Variants in SLIT2 observed in about 807,000 individuals in gnomAD.
SLIT2 encodes slit homolog 2 protein.
In SLIT2, 41 loss-of-function variants were observed where a neutral mutation model predicts 185.7. That is an observed-to-expected ratio of 0.22 (90% confidence interval 0.17 to 0.29). SLIT2 has a LOEUF of 0.29. Ranked by LOEUF, SLIT2 falls within the 10% of genes least tolerant of loss-of-function variation. The pLI is 1.00. For missense variants in SLIT2, 1,571 were observed against 1,909.0 expected (o/e 0.82, Z 3.30); for synonymous variants, 693 against 680.2 (o/e 1.02, Z -0.29).
At chr4:20,598,457 C>T in intron 33 of SLIT2, 62 bp downstream of exon 33, 1 of 1,578,988 alleles carries the variant, frequency 6.3e-7, no homozygotes, top group Non-Finnish European at 8.7e-7. Context: ...ACTGCTTCTC[C>T]TCTATCATTT....
chr4:20,255,685 G>A (rs912328527), intron 1 of SLIT2, among the ~76,000 whole-genome samples: 4 of 152,108 alleles, frequency 2.6e-5, no homozygotes, highest in South Asian at 2.1e-4. Flanking sequence ...TGGGGGTGAG[G>A]GGGGAGCGTA....
intron 3 of SLIT2, among the ~76,000 whole-genome samples, chr4:20,262,721 T>C (rs1560264466): frequency 6.6e-6 from 1 of 151,896 alleles, no homozygotes; most frequent in Non-Finnish European, 1.5e-5. Flanking sequence ...ATAGCCATTA[T>C]ATGCCAATGA....
rs1714518085 is a variant in SLIT2 at position 20,467,758 on chromosome 4, C to T, written c.402C>T (p.Leu134=). ...LGTAKLYRLD[L]SENQIQAIPR... ...TTGTTGTTGTTGTTTTTAGTGATCT[C>T]AGTGAAAACCAAATTCAGGCAATCC... The change falls in exon 5 of 37, where the codon CTC becomes CTT. Residue 134 remains leucine (L), a synonymous_variant. Transcript: ENST00000504154. 6.3e-7 allele frequency: 1 copy of T among 1,588,432 alleles called. No homozygotes were observed. The highest frequency in any genetic ancestry group is 2.3e-5 in the East Asian group (1 of 44,430).
intron 5 of SLIT2, among the ~76,000 whole-genome samples, chr4:20,473,249 G>A (rs1480200590): frequency 6.6e-6 from 1 of 151,578 alleles, no homozygotes; most frequent in African/African-American, 2.4e-5. Flanking sequence ...TTAACCCTAT[G>A]TCTGTCATGA....
chr4:20,512,365 T>TAAAAAC (rs1172329231), intron 11 of SLIT2, among the ~76,000 whole-genome samples: 3 of 152,134 alleles, frequency 2.0e-5, no homozygotes, highest in Admixed American at 1.3e-4. Context: ...TTAGTCTGTT[T>TAAAAAC]AAAAACAAAA....
At chr4:20,267,813 A>G in intron 3 of SLIT2, among the ~76,000 whole-genome samples, 1 of 151,838 alleles carries the variant, frequency 6.6e-6, no homozygotes, top group East Asian at 1.9e-4. Context: ...AAACTTAAGA[A>G]ATACCTCTGG....
At chr4:20,488,304 AAAAAGTGTTTT>A (rs1289804458) in intron 7 of SLIT2, among the ~76,000 whole-genome samples, 3 of 152,196 alleles carry the variant, frequency 2.0e-5, no homozygotes, top group African/African-American at 7.2e-5. Flanking sequence ...AAGGGTGTGA[AAAAAGTGTTTT>A]ATATTGAATT....
chr4:20,523,928 T>A (rs778087380), intron 13 of SLIT2, 25 bp downstream of exon 13: 10 of 1,613,404 alleles, frequency 6.2e-6, no homozygotes, highest in Non-Finnish European at 5.9e-6. Flanking sequence ...TTTGGATCAC[T>A]TTTGATGACA....
chr4:20,530,511 G>A (rs997629796), intron 16 of SLIT2, among the ~76,000 whole-genome samples: 1 of 152,038 alleles, frequency 6.6e-6, no homozygotes, highest in Non-Finnish European at 1.5e-5. Context: ...TTGAACTCCT[G>A]AGCTCAAGCA....
intron 4 of SLIT2, among the ~76,000 whole-genome samples, chr4:20,316,751 G>A (rs1191968525): frequency 1.3e-5 from 2 of 150,414 alleles, no homozygotes; most frequent in Non-Finnish European, 1.5e-5. Context: ...TTAGTTGTTG[G>A]TATATTATGC....
intron 9 of SLIT2, among the ~76,000 whole-genome samples, chr4:20,498,634 G>T (rs1205661957): frequency 6.6e-6 from 1 of 152,154 alleles, no homozygotes; most frequent in East Asian, 1.9e-4. Context: ...TAGTAAGAAT[G>T]TAAGTTATAA....
intron 4 of SLIT2, among the ~76,000 whole-genome samples, chr4:20,342,853 A>C (rs963806012): frequency 1.3e-5 from 2 of 150,792 alleles, no homozygotes; most frequent in African/African-American, 4.9e-5. Context: ...TAAATGTGTA[A>C]GTCAGGAAAC....
Position 20,390,771 on chromosome 4 carries a change from TAAAA to T in SLIT2, c.396-76975_396-76972del, listed in dbSNP as rs200126868. ...AGAAAAAGATCTTATTTTTTTTTTT[TAAAA>T]AAAAATATATATATACTAAGACAAT... On this transcript the variant is annotated intron_variant, in intron 4 of 36. Transcript: ENST00000504154. Among the ~76,000 whole-genome samples the T allele has an allele frequency of 6.6e-4, 85 of 127,824 alleles. No homozygotes were observed. In the South Asian group the frequency reaches 0.017, roughly 26 times the overall value. The allele number at this position is 127,824 out of a possible 152,430, so 83.9% of individuals were successfully genotyped here. A position where few individuals can be genotyped will look rare whatever the true frequency, so the allele number is the denominator to read the frequency against.
intron 4 of SLIT2, among the ~76,000 whole-genome samples, chr4:20,369,857 A>G (rs911157895): frequency 1.3e-5 from 2 of 152,098 alleles, no homozygotes; most frequent in African/African-American, 4.8e-5. Context: ...GGTCTTTGAT[A>G]TCTTCTTAGA....
Position 20,610,182 on chromosome 4 carries a change from A to G in SLIT2, c.3847+15A>G. On this transcript the variant is annotated intron_variant, in intron 34 of 36. Transcript: ENST00000504154. ...CTATGTAGGAGGTAAGCTGTCTTCCAAATTCAGGTGGTCCTGAAACCCTGT... is the reference window on the plus strand; with the variant it reads ...CTATGTAGGAGGTAAGCTGTCTTCCGAATTCAGGTGGTCCTGAAACCCTGT... 6.2e-7 allele frequency: 1 copy of G among 1,606,032 alleles called. No homozygotes were observed. The highest frequency in any genetic ancestry group is 8.5e-7 in the Non-Finnish European group (1 of 1,176,748).
intron 4 of SLIT2, among the ~76,000 whole-genome samples, chr4:20,326,200 A>C (rs966768506): frequency 2.6e-5 from 4 of 152,098 alleles, no homozygotes; most frequent in Non-Finnish European, 2.9e-5. Flanking sequence ...GTCTGCAAGT[A>C]AAGTTATTAG....
chr4:20,280,918 C>T lies in SLIT2; in HGVS notation c.395+12037C>T, dbSNP rs147503246. Among the ~76,000 whole-genome samples, 277 of 150,906 alleles carry T rather than the reference C, an allele frequency of 1.8e-3. 3 individuals carry two copies. The highest frequency in any genetic ancestry group is 0.013 in the East Asian group (63 of 5,022). On this transcript the variant is annotated intron_variant, in intron 4 of 36. Coordinates refer to ENST00000504154, the MANE Select transcript of SLIT2 (RefSeq NM_004787.4). Reference sequence around the variant, plus strand: ...CGTGATCTCAGCTCACTGCAACCTCCGCCTCCTGGGTTCAAGCGATTCTCC... The same window carrying T: ...CGTGATCTCAGCTCACTGCAACCTCTGCCTCCTGGGTTCAAGCGATTCTCC...
chr4:20,538,699 T>C (rs562416519), intron 18 of SLIT2, among the ~76,000 whole-genome samples: 9 of 150,200 alleles, frequency 6.0e-5, no homozygotes, highest in African/African-American at 2.2e-4. Flanking sequence ...AATAAATAAT[T>C]AGCAAAGAAT....
chr4:20,547,418 C>T (rs1723344837), intron 22 of SLIT2, among the ~76,000 whole-genome samples: 1 of 151,980 alleles, frequency 6.6e-6, no homozygotes, highest in Non-Finnish European at 1.5e-5. Context: ...TGATACAACT[C>T]TAGGCAAGTT....
Sources: gnomAD v4.1 joint callset for allele counts (sites outside exome capture counted in the v4.1 genomes callset) on GRCh38, gnomAD v4.1.1 for gene constraint, MANE v1.5 for transcripts, NCBI Gene and HGNC (gene_info 2026-07-23, HGNC 2026-07-21) for gene names.